TTI1: variants seen among roughly 807,000 people sequenced by gnomAD.
The protein encoded by TTI1 is TELO2-interacting protein 1 homolog.
TTI1 carries 52 observed loss-of-function variants against 85.4 expected under a neutral mutation model. The observed-to-expected ratio is 0.61, with a 90% CI of 0.49 to 0.77. TTI1 has a LOEUF of 0.77. TTI1 is among the 30% of genes least tolerant of loss of function. The pLI, the probability that TTI1 is intolerant of heterozygous loss-of-function variation, is 0.00. For synonymous variants in TTI1, 512 were observed against 503.9 expected (o/e 1.02, Z -0.22); for missense variants, 1,173 against 1,296.0 (o/e 0.91, Z 1.46).
rs140401354 is a variant in TTI1 at position 37,987,838 on chromosome 20, C to T, written c.3087-4199G>A. On this transcript the variant is annotated intron_variant, in intron 7 of 7. Coordinates refer to ENST00000373447, the MANE Select transcript of TTI1 (RefSeq NM_001303457.2). Reference sequence around the variant, plus strand: ...GCACTTCAGCCCTATCTACAACTGACGGCTATCAGTAAGTACCTAATAAAC... The same window carrying T: ...GCACTTCAGCCCTATCTACAACTGATGGCTATCAGTAAGTACCTAATAAAC... 3.7e-3 allele frequency among the ~76,000 whole-genome samples: 568 copies of T among 152,326 alleles called. 2 individuals are homozygous for T. The highest frequency in any genetic ancestry group is 0.013 in the African/African-American group (536 of 41,568).
intron 1 of TTI1, among the ~76,000 whole-genome samples, chr20:38,020,741 T>C (rs182122530): frequency 1.3e-4 from 20 of 152,124 alleles, no homozygotes; most frequent in Non-Finnish European, 2.6e-4. Flanking sequence ...AATAAACATA[T>C]GACAAGACTT....
intron 1 of TTI1, among the ~76,000 whole-genome samples, chr20:38,022,214 G>C (rs1379064458): frequency 6.6e-6 from 1 of 152,152 alleles, no homozygotes; most frequent in Non-Finnish European, 1.5e-5. Context: ...TGCACTTGCT[G>C]TTCTCTCCCC....
chr20:38,024,012 T>C (rs2073804202), intron 1 of TTI1, among the ~76,000 whole-genome samples: 2 of 152,288 alleles, frequency 1.3e-5, no homozygotes, highest in East Asian at 1.9e-4. Flanking sequence ...CTGTCCCTTA[T>C]AGAAAATATG....
At chr20:37,992,977 C>A (rs1371268876) in intron 7 of TTI1, among the ~76,000 whole-genome samples, 8 of 152,126 alleles carry the variant, frequency 5.3e-5, no homozygotes, top group Admixed American at 5.2e-4. Context: ...TGTCTGTAAT[C>A]CAACGCCTAC....
At chr20:38,030,490 A>T (rs2073892398) in intron 1 of TTI1, among the ~76,000 whole-genome samples, 1 of 151,864 alleles carries the variant, frequency 6.6e-6, no homozygotes, top group Non-Finnish European at 1.5e-5. Context: ...AGATGCAAAA[A>T]TCCTAAAGAA....
rs781765172 is a variant in TTI1, at chr20:38,013,800, G to T, written c.17C>A (p.Thr6Asn). MAVFD[T>N]PEEAFGVLRP... ...TAAGACACCAAAGGCCTCCTCAGGA[G>T]TATCAAAAACTGCCATTGTGCAGCA... The change falls in exon 2 of 8, where the codon ACT (threonine) becomes AAT (asparagine). Residue 6 changes from threonine (T) to asparagine (N), a missense_variant. By Grantham distance (65) the Thr-to-Asn change is moderately conservative (BLOSUM62 0). Transcript: ENST00000373447. 4.3e-6 allele frequency: 7 copies of T among 1,611,940 alleles called. No individual in the cohort carries two copies. The highest frequency in any genetic ancestry group is 5.1e-6 in the Non-Finnish European group (6 of 1,178,974).
Position 38,012,388 on chromosome 20 carries a change from G to T in TTI1, c.1429C>A (p.Arg477Ser), listed in dbSNP as rs759409160. 6.2e-6 allele frequency: 10 copies of T among 1,614,164 alleles called. No individual in the cohort carries two copies. The highest frequency in any genetic ancestry group is 8.5e-6 in the Non-Finnish European group (10 of 1,180,030). The change falls in exon 2 of 8, where the codon CGC becomes AGC. Residue 477 changes from arginine (R) to serine (S), a missense_variant. Physicochemically the swap from Arg to Ser is moderately radical, Grantham distance 110 (BLOSUM62 -1). Transcript: ENST00000373447. ...PWNRIQRRYF[R>S]FFTDERIFML... ...AAGATTCTCTCATCAGTGAAGAAGC[G>T]GAAATATCTCCTCTGGATGCGGTTC...
chr20:38,030,824 C>G (rs1430366924), intron 1 of TTI1, among the ~76,000 whole-genome samples: 1 of 152,198 alleles, frequency 6.6e-6, no homozygotes, highest in Admixed American at 6.5e-5. Flanking sequence ...AACCCAACTG[C>G]CCCTTAGACA....
rs539953957 is a variant in TTI1 at position 38,032,703 on chromosome 20, C to T, written c.-42+701G>A. Among the ~76,000 whole-genome samples the T allele has an allele frequency of 5.9e-5, 9 of 152,292 alleles. No individual in the cohort carries two copies. The South Asian group carries it at 1.9e-3, about 32-fold the overall frequency. On this transcript the variant is annotated intron_variant, in intron 1 of 7. Coordinates refer to ENST00000373447, the MANE Select transcript of TTI1 (RefSeq NM_001303457.2). ...GGGCTCAAGGTATCCTCTCGCGTAG[C>T]TGGAACTGCAGGTGAGCGTCACCAT...
intron 1 of TTI1, among the ~76,000 whole-genome samples, chr20:38,024,782 A>G (rs1024330074): frequency 7.2e-5 from 11 of 152,198 alleles, no homozygotes; most frequent in Non-Finnish European, 1.6e-4. Context: ...AAGGAAGACA[A>G]AGTAGGAGCA....
Position 37,985,281 on chromosome 20 carries a change from CATTTT to C in TTI1, c.3087-1647_3087-1643del, listed in dbSNP as rs202139538. 8.0e-3 allele frequency among the ~76,000 whole-genome samples: 1,217 copies of C among 152,324 alleles called. 6 individuals carry two copies. The highest frequency in any genetic ancestry group is 0.023 in the African/African-American group (951 of 41,580). Reference sequence around the variant, plus strand: ...TACATAGTATCTATTTGATAAATCACATTTTATTATTGGCAATTATTCTAAGGAGC... The same window carrying C: ...TACATAGTATCTATTTGATAAATCACATTATTGGCAATTATTCTAAGGAGC... On this transcript the variant is annotated intron_variant, in intron 7 of 7. Coordinates refer to ENST00000373447, the MANE Select transcript of TTI1 (RefSeq NM_001303457.2).
chr20:38,003,667 G>A (rs550069887), intron 3 of TTI1, among the ~76,000 whole-genome samples: 19 of 151,332 alleles, frequency 1.3e-4, no homozygotes, highest in African/African-American at 4.6e-4. Flanking sequence ...CGGGAGAATC[G>A]CTTGAACCCA....
Position 38,011,816 on chromosome 20 carries a change from A to G in TTI1, c.2001T>C (p.Ile667=). The G allele has an allele frequency of 1.2e-6, 2 of 1,614,166 alleles. No homozygotes were observed. The highest frequency in any genetic ancestry group is 1.7e-6 in the Non-Finnish European group (2 of 1,180,016). The change falls in exon 2 of 8, where the codon ATT becomes ATC. Residue 667 remains isoleucine, a synonymous_variant. Coordinates refer to ENST00000373447, the MANE Select transcript of TTI1 (RefSeq NM_001303457.2). The part of the protein sequence containing the change: ...LEKAGDQTLL[I]SQVATSTMMD... ...TCATGGTGCTGGTAGCCACCTGACT[A>G]ATGAGTAGGGTTTGGTCTCCAGCCT...
In TTI1 at chr20:38,020,326, ATATATAT is replaced by A. The variant is rs1568629119; in HGVS notation, c.-41-6476_-41-6470del. 1.6e-3 allele frequency among the ~76,000 whole-genome samples: 127 copies of A among 77,556 alleles called. 2 individuals carry two copies. The highest frequency in any genetic ancestry group is 5.5e-3 in the Middle Eastern group (1 of 182). The allele number at this position is 77,556 out of a possible 152,430, so 50.9% of individuals were successfully genotyped here. On this transcript the variant is annotated intron_variant, in intron 1 of 7. Transcript: ENST00000373447. Reference sequence around the variant, plus strand: ...TACTCATATGAAAAAAAAAAAAAATATATATATATATATATATATATATATATGTATG... The same window carrying A: ...TACTCATATGAAAAAAAAAAAAAATAATATATATATATATATATATGTATG...
chr20:38,020,323 A>AAAATATATATATATATAT, intron 1 of TTI1, among the ~76,000 whole-genome samples: 127 of 50,294 alleles, frequency 2.5e-3, no homozygotes, highest in East Asian at 4.0e-3. Context: ...AAAAAAAAAA[A>AAAATATATATATATATAT]ATATATATAT....
rs6022272 is a variant in TTI1, at chr20:37,993,653, G to T, written c.3086+2722C>A. Among the ~76,000 whole-genome samples the T allele has an allele frequency of 3.3e-5, 5 of 152,068 alleles. No individual in the cohort carries two copies. The South Asian group carries it at 1.0e-3, about 31-fold the overall frequency. ...TCTCCTTCCAGAAGACAGGAGGCCT[G>T]GGAGCAGCCTCCTGCCCTGAGAGCT... is the stretch of plus-strand genomic sequence containing the variant. On this transcript the variant is annotated intron_variant, in intron 7 of 7. Transcript: ENST00000373447.
intron 1 of TTI1, among the ~76,000 whole-genome samples, chr20:38,020,321 A>ATACATATATAT (rs1443587921): frequency 2.3e-5 from 1 of 42,730 alleles, no homozygotes; most frequent in Admixed American, 2.0e-4. Context: ...AAAAAAAAAA[A>ATACATATATAT]AAATATATAT....
chr20:38,008,984 T>C (rs995493813), intron 2 of TTI1, among the ~76,000 whole-genome samples: 1 of 152,094 alleles, frequency 6.6e-6, no homozygotes, highest in East Asian at 1.9e-4. Context: ...CCTCATTTTT[T>C]TTTTTTTAAA....
At chr20:38,009,746 G>A (rs1050666640) in intron 2 of TTI1, among the ~76,000 whole-genome samples, 10 of 152,112 alleles carry the variant, frequency 6.6e-5, no homozygotes, top group East Asian at 1.9e-4. Flanking sequence ...CAAGCAATCC[G>A]CCCACCTCAG....
Sources: allele counts gnomAD v4.1 joint callset (sites outside exome capture counted in the v4.1 genomes callset), GRCh38; gene constraint gnomAD v4.1.1; transcripts MANE v1.5; gene names NCBI Gene and HGNC (gene_info 2026-07-23, HGNC 2026-07-21).